The following RHOQ variants were observed in gnomAD, a reference collection of about 807,000 sequenced individuals.
RHOQ encodes the protein ras homolog family member Q.
Under a neutral mutation model 25.8 loss-of-function variants are expected in RHOQ, and 7 were observed. The observed-to-expected ratio is 0.27, with a 90% CI of 0.15 to 0.51. The LOEUF (loss-of-function observed/expected upper bound fraction) is 0.51. Ranked by LOEUF, RHOQ falls within the 20% of genes least tolerant of loss-of-function variation. The pLI, the probability that RHOQ is intolerant of heterozygous loss-of-function variation, is 0.97. For missense variants in RHOQ, 165 were observed against 260.6 expected (o/e 0.63, Z 2.53); for synonymous variants, 97 against 98.6 (o/e 0.98, Z 0.10).
chr2:46,554,092 C>T (rs994242271), intron 2 of RHOQ, among the ~76,000 whole-genome samples: 10 of 151,202 alleles, frequency 6.6e-5, no homozygotes, highest in Non-Finnish European at 1.0e-4. Flanking sequence ...CATGTTGTTG[C>T]AAATGACAGG....
chr2:46,564,773 C>T (rs1219211078), intron 2 of RHOQ, among the ~76,000 whole-genome samples: 3 of 152,220 alleles, frequency 2.0e-5, no homozygotes, highest in Non-Finnish European at 4.4e-5. Flanking sequence ...ACTTCAGCCT[C>T]TGTAGGCCAA....
At chr2:46,567,866 A>G (rs1668783640) in intron 2 of RHOQ, among the ~76,000 whole-genome samples, 1 of 152,034 alleles carries the variant, frequency 6.6e-6, no homozygotes, top group South Asian at 2.1e-4. Context: ...ATACTAGCCC[A>G]GGCAACAGAG....
In RHOQ at chr2:46,555,381, C is replaced by A. The variant is rs1440338957; in HGVS notation, c.201+11569C>A. Among the ~76,000 whole-genome samples the A allele has an allele frequency of 6.6e-6, 1 of 152,228 alleles. No individual in the cohort carries two copies. Among genetic ancestry groups the A allele is most frequent in the Non-Finnish European group, 1.5e-5 (1 of 68,044 alleles). ...TGCACGTAGCACATAGCACTTTGCA[C>A]AAGTGTTGGGGGCCCCAGTAGGAAC... On this transcript the variant is annotated intron_variant, in intron 2 of 4. Coordinates refer to ENST00000238738, the MANE Select transcript of RHOQ (RefSeq NM_012249.4). The surrounding 1 kb of genome is among the most constrained non-coding windows in gnomAD (Gnocchi z 4.3).
rs1445052767 is a variant in RHOQ at position 46,543,451 on chromosome 2, T to G, written c.142+263T>G. The G allele has an allele frequency of 8.3e-6, 5 of 600,210 alleles. No individual in the cohort carries two copies. In the East Asian group the frequency reaches 1.4e-4, roughly 17 times the overall value. 37.2% of individuals were successfully genotyped at this position (600,210 alleles called of 1,614,324 possible). A position where few individuals can be genotyped will look rare whatever the true frequency, so the allele number is the denominator to read the frequency against. ...CCTCGGCGCCCTGGGCCGTCCTCCT[T>G]GACCTTCCCACATCCCCTTTCCTAC... On this transcript the variant is annotated intron_variant, in intron 1 of 4. Coordinates refer to ENST00000238738, the MANE Select transcript of RHOQ (RefSeq NM_012249.4).
intron 2 of RHOQ, among the ~76,000 whole-genome samples, chr2:46,559,255 C>T (rs1668495974): frequency 6.6e-6 from 1 of 152,166 alleles, no homozygotes; most frequent in Non-Finnish European, 1.5e-5. Flanking sequence ...CTCGGCCTCT[C>T]AAAGTTTTGG....
Position 46,569,616 on chromosome 2 carries a change from AT to A in RHOQ, c.202-6470del, listed in dbSNP as rs1668848914. On this transcript the variant is annotated intron_variant, in intron 2 of 4. Transcript: ENST00000238738. This position sits in a 1 kb window ranked among gnomAD's most constrained non-coding sequence, Gnocchi z 4.1. ...GTCAGGTGGCCAAAAGGAAAGCACA[AT>A]GGAAAAGAAGCCCAAGATCTAGTTC... 6.6e-6 allele frequency: 1 copy of A among 152,224 alleles called. No individual in the cohort carries two copies. Among genetic ancestry groups the A allele is most frequent in the South Asian group, 2.1e-4 (1 of 4,832 alleles). The allele number at this position is 152,224 out of a possible 1,614,324, so 9.4% of individuals were successfully genotyped here.
At chr2:46,574,136 TG>T (rs1405416761) in intron 2 of RHOQ, among the ~76,000 whole-genome samples, 1 of 152,140 alleles carries the variant, frequency 6.6e-6, no homozygotes, top group Non-Finnish European at 1.5e-5. Context: ...TTATGCGGAG[TG>T]CTTTAGTTGC....
chr2:46,544,017 G>A (rs1667956398), intron 2 of RHOQ, among the ~76,000 whole-genome samples: 1 of 152,174 alleles, frequency 6.6e-6, no homozygotes, highest in African/African-American at 2.4e-5. Flanking sequence ...CCCCCCATGT[G>A]AACCCCTGGG....
intron 2 of RHOQ, among the ~76,000 whole-genome samples, chr2:46,561,707 C>G (rs549641517): frequency 1.6e-4 from 25 of 152,280 alleles, no homozygotes; most frequent in Non-Finnish European, 3.4e-4. Flanking sequence ...GCTCTTGGCT[C>G]TTGTATTCAT....
intron 2 of RHOQ, among the ~76,000 whole-genome samples, chr2:46,562,024 C>G (rs1668593682): frequency 6.6e-6 from 1 of 152,162 alleles, no homozygotes; most frequent in East Asian, 1.9e-4. Flanking sequence ...AAGGGAGACT[C>G]ACACGATTTG....
At position 46,543,735 on chromosome 2, in the gene RHOQ, C is replaced by T. The variant is rs975144143; in HGVS notation, c.143-19C>T. 1 of 1,611,402 alleles carries T rather than the reference C, an allele frequency of 6.2e-7. No individual in the cohort carries two copies. The highest frequency in any genetic ancestry group is 1.1e-5 in the South Asian group (1 of 90,516). On this transcript the variant is annotated intron_variant, in intron 1 of 4. Coordinates refer to ENST00000238738, the MANE Select transcript of RHOQ (RefSeq NM_012249.4). ...GTCACTGTGAGCTTCTCTCCCCGCCCCCACTTCTGTCCTTGCAGTCAGCGT... is the reference window on the plus strand; with the variant it reads ...GTCACTGTGAGCTTCTCTCCCCGCCTCCACTTCTGTCCTTGCAGTCAGCGT...
At position 46,581,754 on chromosome 2, in the gene RHOQ, T is replaced by A. The variant is rs1170091185; in HGVS notation, c.*671T>A. 2 of 1,014,210 alleles carry A rather than the reference T, an allele frequency of 2.0e-6. No homozygotes were observed. Among genetic ancestry groups the A allele is most frequent in the Non-Finnish European group, 2.7e-6 (2 of 735,332 alleles). 62.8% of individuals were successfully genotyped at this position (1,014,210 alleles called of 1,614,324 possible). ...GCATTTATCATGAACACTAAAAATG[T>A]ACACATTTTAGTTAATGTGCATTAA... is the stretch of plus-strand genomic sequence containing the variant. On this transcript the variant is annotated 3_prime_UTR_variant, in exon 5 of 5. Coordinates refer to ENST00000238738, the MANE Select transcript of RHOQ (RefSeq NM_012249.4).
At chr2:46,565,895 A>G (rs1214708484) in intron 2 of RHOQ, among the ~76,000 whole-genome samples, 1 of 152,230 alleles carries the variant, frequency 6.6e-6, no homozygotes, top group Non-Finnish European at 1.5e-5. Flanking sequence ...TGACAGGAGA[A>G]GCTTGTGGTG....
intron 2 of RHOQ, among the ~76,000 whole-genome samples, chr2:46,546,117 C>A (rs1668036242): frequency 6.6e-6 from 1 of 151,954 alleles, no homozygotes; most frequent in Non-Finnish European, 1.5e-5. Flanking sequence ...TAATAAGCAA[C>A]TTAGCAATGA....
rs201590147 is a variant in RHOQ at position 46,567,539 on chromosome 2, AC to A, written c.202-8547del. The stretch of plus-strand genomic sequence containing the variant: ...CTGCCAAGTAGCTGGGACTATAGGC[AC>A]ACACCATCACACCTGGCTCATTTTT... On this transcript the variant is annotated intron_variant, in intron 2 of 4. Transcript: ENST00000238738. 7.4e-3 allele frequency among the ~76,000 whole-genome samples: 1,121 copies of A among 152,044 alleles called. 5 individuals are homozygous for A. The highest frequency in any genetic ancestry group is 0.011 in the Non-Finnish European group (773 of 67,952).
chr2:46,579,712 G>A (rs1333637379), intron 4 of RHOQ, among the ~76,000 whole-genome samples: 1 of 152,100 alleles, frequency 6.6e-6, no homozygotes, highest in Non-Finnish European at 1.5e-5. Context: ...GCTGGGTGTG[G>A]TGGCACATGC....
chr2:46,572,092 A>T (rs543270846), intron 2 of RHOQ, among the ~76,000 whole-genome samples: 14 of 134,732 alleles, frequency 1.0e-4, no homozygotes, highest in African/African-American at 3.4e-4. Flanking sequence ...GATTCTTATC[A>T]GGTGGTAAGT....
intron 2 of RHOQ, among the ~76,000 whole-genome samples, chr2:46,571,646 T>C (rs890576666): frequency 6.6e-6 from 1 of 152,226 alleles, no homozygotes; most frequent in African/African-American, 2.4e-5. Context: ...TATTGTTGTA[T>C]ATGACTGTCT....
chr2:46,565,676 A>C (rs1668709051), intron 2 of RHOQ, among the ~76,000 whole-genome samples: 1 of 152,238 alleles, frequency 6.6e-6, no homozygotes, highest in South Asian at 2.1e-4. Flanking sequence ...TGCAGCTAGC[A>C]CTGTGCAAGC....
Sources: gnomAD v4.1 joint callset for allele counts (sites outside exome capture counted in the v4.1 genomes callset) on GRCh38, gnomAD v4.1.1 for gene constraint, Gnocchi (gnomAD v3.1) non-coding constraint, MANE v1.5 for transcripts, NCBI Gene and HGNC (gene_info 2026-07-23, HGNC 2026-07-21) for gene names.